ATG16L2: variants seen among roughly 807,000 people sequenced by gnomAD.
The protein encoded by ATG16L2 is autophagy related 16 like 2.
A neutral mutation model predicts 84.7 loss-of-function variants in ATG16L2; 77 were observed. The observed-to-expected ratio is 0.91, with a 90% CI of 0.76 to 1.10. The LOEUF (loss-of-function observed/expected upper bound fraction) is 1.10, where lower values mean the gene tolerates loss of function less well. Among genes scored for constraint, ATG16L2 ranks in the 50% least tolerant of loss-of-function variants. The pLI, the probability that ATG16L2 is intolerant of heterozygous loss-of-function variation, is 0.00. For synonymous variants in ATG16L2, 361 were observed against 342.8 expected, an observed-to-expected ratio of 1.05 and a Z score of -0.59; for missense variants, 782 against 817.6, an observed-to-expected ratio of 0.96 and a Z score of 0.53.
At chr11:72,833,273 A>G (rs1040345625), downstream of ATG16L2, among the ~76,000 whole-genome samples, 1 of 152,234 alleles carries the variant, frequency 6.6e-6, no homozygotes, top group Non-Finnish European at 1.5e-5. Flanking sequence ...CATCTGTGAG[A>G]TTCAGACATA....
Position 72,843,267 on chromosome 11 carries a change from G to A in ATG16L2, c.*672G>A, listed in dbSNP as rs750274468. 1.9e-6 allele frequency: 3 copies of A among 1,613,998 alleles called. No individual in the cohort carries two copies. Among genetic ancestry groups the A allele is most frequent in the Non-Finnish European group, 2.5e-6 (3 of 1,179,890 alleles). On this transcript the variant is annotated 3_prime_UTR_variant, in exon 6 of 6. Transcript: ENST00000534905. Reference sequence around the variant, plus strand: ...CTGCAGCATGCTCAGGAGGCTGTTCGAGGTGGGAAACTGTAGGTACTTTTC... The same window carrying A: ...CTGCAGCATGCTCAGGAGGCTGTTCAAGGTGGGAAACTGTAGGTACTTTTC...
At chr11:72,827,685 T>C (rs1860443066) in intron 14 of ATG16L2, among the ~76,000 whole-genome samples, 1 of 152,208 alleles carries the variant, frequency 6.6e-6, no homozygotes, top group Non-Finnish European at 1.5e-5. Flanking sequence ...ATACCTGTAA[T>C]CCCAGCTGTT....
At chr11:72,829,273 C>A in intron 17 of ATG16L2, 30 bp from the exon 18 acceptor site, 1 of 1,609,542 alleles carries the variant, frequency 6.2e-7, no homozygotes. Context: ...TCCTGAAGCC[C>A]CCCTGAAGCC....
At chr11:72,819,132 G>A (rs1201252490) in intron 3 of ATG16L2, 1 of 152,070 alleles carries the variant, frequency 6.6e-6, no homozygotes, top group Non-Finnish European at 1.5e-5. Flanking sequence ...TAGACTAAGC[G>A]ATGAATGAGG....
intron 15 of ATG16L2, 106 bp from the exon 16 acceptor site, chr11:72,828,623 G>A (rs1011624045): frequency 1.3e-6 from 2 of 1,591,786 alleles, no homozygotes; most frequent in Admixed American, 3.4e-5. Flanking sequence ...ACCAGGTCCT[G>A]CTGAGGTACC....
intron 5 of ATG16L2, chr11:72,840,893 T>C (rs751834736): frequency 2.5e-6 from 4 of 1,612,098 alleles, no homozygotes; most frequent in Non-Finnish European, 3.4e-6. Context: ...CAGTTTGCCA[T>C]ATGAGGTCTC....
At position 72,822,641 on chromosome 11, in the gene ATG16L2, C is replaced by T. The variant is rs1336928419; in HGVS notation, c.710+98C>T. The T allele has an allele frequency of 6.8e-7, 1 of 1,473,682 alleles. No homozygotes were observed. The highest frequency in any genetic ancestry group is 1.2e-5 in the South Asian group (1 of 81,560). 91.3% of individuals were successfully genotyped at this position (1,473,682 alleles called of 1,614,324 possible). On this transcript the variant is annotated intron_variant, in intron 6 of 17. Coordinates refer to ENST00000321297, the MANE Select transcript of ATG16L2 (RefSeq NM_033388.2). This position sits in a 1 kb window ranked among gnomAD's most constrained non-coding sequence, Gnocchi z 4.2. ...TGCCGACTGTACTTGTGCACAGCCC[C>T]GTCCTGAGGCCCCCATGTGGTCGGA...
chr11:72,833,553 G>A (rs1446627728), downstream of ATG16L2, among the ~76,000 whole-genome samples: 3 of 152,190 alleles, frequency 2.0e-5, no homozygotes, highest in Non-Finnish European at 2.9e-5. Flanking sequence ...GGTGAAGAGT[G>A]AGTTCTATGC....
At chr11:72,821,955 G>A in intron 4 of ATG16L2, 89 bp from the exon 5 acceptor site, 3 of 1,434,892 alleles carry the variant, frequency 2.1e-6, no homozygotes, top group Non-Finnish European at 1.8e-6. Flanking sequence ...GTTTGGCATG[G>A]GCAGGTCTGT....
intron 5 of ATG16L2, chr11:72,840,885 G>A (rs753298581): frequency 6.2e-7 from 1 of 1,609,770 alleles, no homozygotes; most frequent in South Asian, 1.1e-5. Flanking sequence ...ACAGGTCGCA[G>A]TTTGCCATAT....
chr11:72,814,414 A>C lies in ATG16L2; in HGVS notation c.-32A>C, dbSNP rs1859582308. On this transcript the variant is annotated 5_prime_UTR_variant, in exon 1 of 18. Transcript: ENST00000321297. ...CCGGCCTGGCGCCGTCCTGGGCGGGAGGAACGCGCCGCTAGGCGGGAGAGC... is the reference window on the plus strand; with the variant it reads ...CCGGCCTGGCGCCGTCCTGGGCGGGCGGAACGCGCCGCTAGGCGGGAGAGC... 2.2e-6 allele frequency: 3 copies of C among 1,369,778 alleles called. No homozygotes were observed. The highest frequency in any genetic ancestry group is 3.1e-5 in the East Asian group (1 of 32,412). The allele number at this position is 1,369,778 out of a possible 1,614,324, so 84.9% of individuals were successfully genotyped here. A position where few individuals can be genotyped will look rare whatever the true frequency, so the allele number is the denominator to read the frequency against.
At chr11:72,838,961 A>G in intron 5 of ATG16L2, 1 of 1,225,516 alleles carries the variant, frequency 8.2e-7, no homozygotes, top group Non-Finnish European at 1.2e-6. Flanking sequence ...TCATCTGTCC[A>G]AGGACATGGG....
At position 72,822,394 on chromosome 11, in the gene ATG16L2, C is replaced by A; in HGVS notation, c.645-84C>A. The A allele has an allele frequency of 2.5e-6, 4 of 1,595,134 alleles. No individual in the cohort carries two copies. The highest frequency in any genetic ancestry group is 3.4e-6 in the Non-Finnish European group (4 of 1,170,988). ...CTGGAAGGGAGGGGGGCAGCAGCCG[C>A]CCCCTGGAGGAAGGGACCGGGTCTA... On this transcript the variant is annotated intron_variant, in intron 5 of 17. Transcript: ENST00000321297. The surrounding 1 kb of genome is among the most constrained non-coding windows in gnomAD (Gnocchi z 4.2).
In ATG16L2 at chr11:72,822,847, G is replaced by T; in HGVS notation, c.711-1G>T. 1.3e-6 allele frequency: 2 copies of T among 1,553,030 alleles called. No homozygotes were observed. The highest frequency in any genetic ancestry group is 4.8e-5 in the East Asian group (2 of 41,800). ...TTTCTGAACTTCATTACCTCTCCTAGGGGCCCGGACACCCTAGGCGATGGG... is the reference window on the plus strand; with the variant it reads ...TTTCTGAACTTCATTACCTCTCCTATGGGCCCGGACACCCTAGGCGATGGG... On this transcript the variant is annotated splice_acceptor_variant, in intron 6 of 17. Coordinates refer to ENST00000321297, the MANE Select transcript of ATG16L2 (RefSeq NM_033388.2). LOFTEE classifies it high-confidence loss of function. The surrounding 1 kb of genome is among the most constrained non-coding windows in gnomAD (Gnocchi z 4.2).
At chr11:72,825,759 G>A (rs1185896126) in intron 10 of ATG16L2, among the ~76,000 whole-genome samples, 1 of 152,140 alleles carries the variant, frequency 6.6e-6, no homozygotes, top group Non-Finnish European at 1.5e-5. Context: ...CATCACTTGA[G>A]CTCTCAGAAC....
chr11:72,821,303 CTGCGCGAGGAGTCCTCGCAGTGGTTA>C, intron 3 of ATG16L2: 1 of 1,037,218 alleles, frequency 9.6e-7, no homozygotes, highest in Non-Finnish European at 1.2e-6. Context: ...TTGGCAGCCT[CTGCGCGAGGAGTCCTCGCAGTGGTTA>C]TGCATGGTGC....
intron 7 of ATG16L2, chr11:72,823,772 G>T (rs1025640310): frequency 9.2e-6 from 5 of 542,712 alleles, no homozygotes; most frequent in African/African-American, 5.6e-5. Context: ...GTAGGCCCCG[G>T]CTCAGCTTCC....
Position 72,826,569 on chromosome 11 carries a change from G to C in ATG16L2, c.1225G>C (p.Val409Leu), listed in dbSNP as rs948302785. 1.2e-6 allele frequency: 2 copies of C among 1,614,180 alleles called. No individual in the cohort carries two copies. Among genetic ancestry groups the C allele is most frequent in the African/African-American group, 1.3e-5 (1 of 75,042 alleles). The change falls in exon 12 of 18, where the codon GTG becomes CTG. Residue 409 changes from valine (V) to leucine (L), a missense_variant. Val to Leu is a conservative substitution (Grantham distance 32, BLOSUM62 1). Transcript: ENST00000321297. Reference sequence around the variant, plus strand: ...CAACCAGGCTGCCCAGCTCTGGAAGGTGGGGGAGGCACAGTCCAAGGTGAG... The same window carrying C: ...CAACCAGGCTGCCCAGCTCTGGAAGCTGGGGGAGGCACAGTCCAAGGTGAG... ...TYNQAAQLWK[V>L]GEAQSKETLS...
chr11:72,822,621 A>C lies in ATG16L2; in HGVS notation c.710+78A>C. 1 of 1,558,496 alleles carries C rather than the reference A, an allele frequency of 6.4e-7. No homozygotes were observed. Among genetic ancestry groups the C allele is most frequent in the Non-Finnish European group, 8.7e-7 (1 of 1,147,964 alleles). ...CTGCCTGCGGCGACCCAGGCTGCCG[A>C]CTGTACTTGTGCACAGCCCCGTCCT... On this transcript the variant is annotated intron_variant, in intron 6 of 17. Transcript: ENST00000321297. The surrounding 1 kb of genome is among the most constrained non-coding windows in gnomAD (Gnocchi z 4.2).
Sources: gnomAD v4.1 joint callset for allele counts (sites outside exome capture counted in the v4.1 genomes callset) on GRCh38, gnomAD v4.1.1 for gene constraint, Gnocchi (gnomAD v3.1) non-coding constraint, MANE v1.5 for transcripts, NCBI Gene and HGNC (gene_info 2026-07-23, HGNC 2026-07-21) for gene names.